The following AGAP1 variants were observed in gnomAD, a reference collection of about 807,000 sequenced individuals.
The protein encoded by AGAP1 is ArfGAP with GTPase domain, ankyrin repeat and PH domain 1, also known as arf-GAP with GTPase, ANK repeat and PH domain-containing protein 1.
A neutral mutation model predicts 105.3 loss-of-function variants in AGAP1; 29 were observed. The observed-to-expected ratio is 0.28, with a 90% CI of 0.21 to 0.38. The LOEUF is 0.38. Ranked by LOEUF, AGAP1 falls within the 10% of genes least tolerant of loss-of-function variation. The pLI, the probability that AGAP1 is intolerant of heterozygous loss-of-function variation, is 1.00. For synonymous variants in AGAP1, 509 were observed against 485.9 expected (o/e 1.05, Z -0.63); for missense variants, 998 against 1,165.1 (o/e 0.86, Z 2.09).
intron 1 of AGAP1, among the ~76,000 whole-genome samples, chr2:235,681,305 G>A (rs11890096): frequency 0.18 from 27,579 of 152,106 alleles, 3,040 homozygotes; most frequent in Admixed American, 0.33. Context: ...CACCATGCCC[G>A]GCAATTTTAG....
intron 1 of AGAP1, among the ~76,000 whole-genome samples, chr2:235,696,466 G>A (rs1321540959): frequency 1.3e-5 from 2 of 152,146 alleles, no homozygotes; most frequent in South Asian, 2.1e-4. Flanking sequence ...AGGGCGGGTC[G>A]GGTGCCCCAG....
chr2:235,804,646 G>C (rs1035707149), intron 8 of AGAP1, among the ~76,000 whole-genome samples: 2 of 152,172 alleles, frequency 1.3e-5, no homozygotes, highest in African/African-American at 4.8e-5. Flanking sequence ...CTCTCACCAC[G>C]GCAGGGGAAG....
rs11447483 is a variant in AGAP1, at chr2:235,584,193, C to CTTTTT, written c.163+89356_163+89360dup. On this transcript the variant is annotated intron_variant, in intron 1 of 17. Coordinates refer to ENST00000304032, the MANE Select transcript of AGAP1 (RefSeq NM_001037131.3). Reference sequence around the variant, plus strand: ...TTGAAGCATGACCCTCAATAAACCACTTTTTTTTTTTTTTTTGCATGGAAA... The same window carrying CTTTTT: ...TTGAAGCATGACCCTCAATAAACCACTTTTTTTTTTTTTTTTTTTTTGCATGGAAA... Among the ~76,000 whole-genome samples, 11 of 139,984 alleles carry CTTTTT rather than the reference C, an allele frequency of 7.9e-5. 2 individuals carry two copies. Among genetic ancestry groups the CTTTTT allele is most frequent in the Non-Finnish European group, 6.2e-5 (4 of 64,934 alleles). The allele number at this position is 139,984 out of a possible 152,430, so 91.8% of individuals were successfully genotyped here.
chr2:235,561,150 T>TG (rs1330215875), intron 1 of AGAP1, among the ~76,000 whole-genome samples: 2 of 152,198 alleles, frequency 1.3e-5, no homozygotes, highest in Non-Finnish European at 2.9e-5. Context: ...CCTCCTCGCC[T>TG]GTGCTCTCTA....
chr2:235,629,891 C>A (rs6734573), intron 1 of AGAP1, among the ~76,000 whole-genome samples: 62,774 of 141,798 alleles, frequency 0.44, 14,987 homozygotes, highest in African/African-American at 0.67. Context: ...AAAGAAAGAA[C>A]AGAAATCACC....
chr2:236,004,639 T>G (rs2056254893), intron 13 of AGAP1, among the ~76,000 whole-genome samples: 1 of 152,308 alleles, frequency 6.6e-6, no homozygotes. Flanking sequence ...AATTATTGCC[T>G]CCAAAGAATA....
In AGAP1 at chr2:235,719,947, A is replaced by G. The variant is rs1951297609; in HGVS notation, c.310+2303A>G. Among the ~76,000 whole-genome samples, 1 of 152,192 alleles carries G rather than the reference A, an allele frequency of 6.6e-6. No homozygotes were observed. Among genetic ancestry groups the G allele is most frequent in the South Asian group, 2.1e-4 (1 of 4,826 alleles). ...TAGTCCTGCTGAATTCATGCTTCTC[A>G]TGGCTGAGCCACCTTTCCCGTGTAG... On this transcript the variant is annotated intron_variant, in intron 3 of 17. Transcript: ENST00000304032. This position sits in a 1 kb window ranked among gnomAD's most constrained non-coding sequence, Gnocchi z 4.9.
At chr2:236,007,185 C>T (rs149992499) in intron 13 of AGAP1, among the ~76,000 whole-genome samples, 90 of 152,272 alleles carry the variant, frequency 5.9e-4, no homozygotes, top group African/African-American at 2.0e-3. Context: ...TGAATAAATG[C>T]CATGTATCTT....
chr2:235,917,647 C>CG (rs1453153733), intron 11 of AGAP1, among the ~76,000 whole-genome samples: 1 of 152,044 alleles, frequency 6.6e-6, no homozygotes, highest in African/African-American at 2.4e-5. Context: ...TGGTCCTGTT[C>CG]GGGGGAGGCA....
Position 236,120,122 on chromosome 2 carries a change from C to A in AGAP1, c.2115-70C>A. On this transcript the variant is annotated intron_variant, in intron 16 of 17. Transcript: ENST00000304032. The surrounding 1 kb of genome is among the most constrained non-coding windows in gnomAD (Gnocchi z 6.0). ...TCCCTCTCGGCTTCTCCCGACCACA[C>A]TGGGCAGGGGCTGGCAGCCTGTGTT... 3.2e-6 allele frequency: 5 copies of A among 1,549,608 alleles called. No homozygotes were observed.
At chr2:235,499,716 G>A (rs985921642) in intron 1 of AGAP1, among the ~76,000 whole-genome samples, 1 of 152,200 alleles carries the variant, frequency 6.6e-6, no homozygotes, top group Admixed American at 6.5e-5. Flanking sequence ...CTCATGACCA[G>A]CCTTGCCTCG....
chr2:235,643,854 T>C (rs897196775), intron 1 of AGAP1, among the ~76,000 whole-genome samples: 12 of 152,290 alleles, frequency 7.9e-5, no homozygotes, highest in Non-Finnish European at 1.6e-4. Context: ...TATCTCTTAA[T>C]AGGGCCCCTG....
chr2:235,932,155 C>G (rs949885345), intron 12 of AGAP1, among the ~76,000 whole-genome samples: 2 of 152,240 alleles, frequency 1.3e-5, no homozygotes, highest in Non-Finnish European at 2.9e-5. Context: ...CCACTGCATG[C>G]CCCAGCGGGC....
intron 16 of AGAP1, among the ~76,000 whole-genome samples, chr2:236,111,344 C>T (rs2059632542): frequency 6.6e-6 from 1 of 151,286 alleles, no homozygotes; most frequent in Admixed American, 6.6e-5. Flanking sequence ...ATGGCAAGAC[C>T]CCTATCTCTA....
At chr2:236,028,024 G>A (rs1451565384) in intron 13 of AGAP1, among the ~76,000 whole-genome samples, 1 of 152,076 alleles carries the variant, frequency 6.6e-6, no homozygotes, top group Non-Finnish European at 1.5e-5. Flanking sequence ...GTTATTGCAC[G>A]GGACTCCCCC....
intron 13 of AGAP1, among the ~76,000 whole-genome samples, chr2:236,030,346 TGTCTTGTTTGCAGTGTGTTGG>T (rs1416357844): frequency 6.6e-6 from 1 of 152,162 alleles, no homozygotes; most frequent in African/African-American, 2.4e-5. Flanking sequence ...CTAAATCTGC[TGTCTTGTTTGCAGTGTGTTGG>T]GTGATCTCTG....
intron 12 of AGAP1, among the ~76,000 whole-genome samples, chr2:235,941,115 C>T (rs2053238249): frequency 6.6e-6 from 1 of 152,102 alleles, no homozygotes; most frequent in Non-Finnish European, 1.5e-5. Flanking sequence ...TGCTGGTGCC[C>T]CTTAAGACAG....
intron 1 of AGAP1, among the ~76,000 whole-genome samples, chr2:235,530,665 C>T (rs184684155): frequency 3.9e-5 from 6 of 152,314 alleles, no homozygotes; most frequent in East Asian, 1.9e-4. Flanking sequence ...TCCCCTTCTC[C>T]GGCTCCTCTG....
intron 9 of AGAP1, among the ~76,000 whole-genome samples, chr2:235,859,861 A>G (rs913681624): frequency 6.6e-6 from 1 of 152,170 alleles, no homozygotes; most frequent in Admixed American, 6.5e-5. Flanking sequence ...AGAGGCAACA[A>G]ACAGCTCTGA....
Sources: allele counts gnomAD v4.1 joint callset (sites outside exome capture counted in the v4.1 genomes callset), GRCh38; gene constraint gnomAD v4.1.1; non-coding constraint Gnocchi (gnomAD v3.1); transcripts MANE v1.5; gene names NCBI Gene and HGNC (gene_info 2026-07-23, HGNC 2026-07-21).